The following DNMT3A variants were observed in gnomAD, a reference collection of about 807,000 sequenced individuals.
The protein encoded by DNMT3A is DNA methyltransferase 3 alpha.
DNMT3A carries 267 observed loss-of-function variants against 117.6 expected under a neutral mutation model. The observed-to-expected ratio is 2.27, with a 90% CI of 2.05 to 2.51. The LOEUF (loss-of-function observed/expected upper bound fraction) is 2.51, where lower values mean the gene tolerates loss of function less well. Ranked by LOEUF, DNMT3A falls within the 30% of genes most tolerant of loss-of-function variation. The pLI, the probability that DNMT3A is intolerant of heterozygous loss-of-function variation, is 0.00. For synonymous variants in DNMT3A, 432 were observed against 474.8 expected (o/e 0.91, Z 1.17); for missense variants, 1,029 against 1,260.2 (o/e 0.82, Z 2.78).
intron 2 of DNMT3A, among the ~76,000 whole-genome samples, chr2:25,309,451 C>A (rs977617305): frequency 1.4e-5 from 2 of 146,042 alleles, no homozygotes; most frequent in Admixed American, 1.3e-4. Context: ...AGATGAAGTG[C>A]CCCCAACTTC....
chr2:25,326,924 A>G (rs2034810690), intron 1 of DNMT3A, among the ~76,000 whole-genome samples: 1 of 152,250 alleles, frequency 6.6e-6, no homozygotes, highest in South Asian at 2.1e-4. Flanking sequence ...GCTTCCAGCA[A>G]GATACCTCCC....
chr2:25,329,812 C>T (rs529227555), intron 1 of DNMT3A, among the ~76,000 whole-genome samples: 37 of 152,274 alleles, frequency 2.4e-4, no homozygotes, highest in Non-Finnish European at 4.6e-4. Flanking sequence ...GCACACAGCC[C>T]CCCTCATGCT....
In DNMT3A at chr2:25,246,185, C is replaced by T. The variant is rs1558668999; in HGVS notation, c.1404G>A (p.Lys468=). Reference sequence around the variant, plus strand: ...CTCTTGTGCGCTCATCAATAATCTCCTTGACCTTGGGCTTCTCCGCTGTGC... The same window carrying T: ...CTCTTGTGCGCTCATCAATAATCTCTTTGACCTTGGGCTTCTCCGCTGTGC... The part of the protein sequence containing the change: ...RKSTAEKPKV[K]EIIDERTRER... Residue 468 remains lysine (K), a synonymous_variant, in exon 11 of 23, where the codon AAG becomes AAA. Coordinates refer to ENST00000321117, the MANE Select transcript of DNMT3A (RefSeq NM_022552.5). 1 of 1,614,124 alleles carries T rather than the reference C, an allele frequency of 6.2e-7. No individual in the cohort carries two copies. The highest frequency in any genetic ancestry group is 8.5e-7 in the Non-Finnish European group (1 of 1,179,960).
intron 1 of DNMT3A, chr2:25,328,735 C>T (rs544712755): frequency 6.2e-5 from 31 of 500,456 alleles, no homozygotes; most frequent in Middle Eastern, 7.1e-4. Flanking sequence ...TTCTAGGGGT[C>T]GCTTGGCAGA....
chr2:25,339,722 G>C lies in DNMT3A; in HGVS notation c.-178+2104C>G, dbSNP rs1191756292. On this transcript the variant is annotated intron_variant, in intron 1 of 22. Coordinates refer to ENST00000321117, the MANE Select transcript of DNMT3A (RefSeq NM_022552.5). This position sits in a 1 kb window ranked among gnomAD's most constrained non-coding sequence, Gnocchi z 4.9. ...CTCCCTACAACCCAACTCTCCAAAGGCAGGCAGCTCAGAAAACTACCTGGA... is the reference window on the plus strand; with the variant it reads ...CTCCCTACAACCCAACTCTCCAAAGCCAGGCAGCTCAGAAAACTACCTGGA... Among the ~76,000 whole-genome samples, 1 of 152,198 alleles carries C rather than the reference G, an allele frequency of 6.6e-6. No individual in the cohort carries two copies. The highest frequency in any genetic ancestry group is 1.5e-5 in the Non-Finnish European group (1 of 68,022).
At chr2:25,328,384 G>A (rs2034868394) in intron 1 of DNMT3A, among the ~76,000 whole-genome samples, 1 of 151,772 alleles carries the variant, frequency 6.6e-6, no homozygotes, top group African/African-American at 2.4e-5. Context: ...TGACACCCCT[G>A]GCTCCCACCC....
At chr2:25,319,309 C>G (rs1244252976) in intron 1 of DNMT3A, among the ~76,000 whole-genome samples, 2 of 151,806 alleles carry the variant, frequency 1.3e-5, no homozygotes, top group African/African-American at 2.4e-5. Context: ...CCACCACGCC[C>G]GGGGTCTTTT....
chr2:25,263,471 T>C (rs2149347490), intron 6 of DNMT3A, among the ~76,000 whole-genome samples: 1 of 152,228 alleles, frequency 6.6e-6, no homozygotes, highest in South Asian at 2.1e-4. Flanking sequence ...ACCCCGCCAC[T>C]AGCATAGTAT....
intron 6 of DNMT3A, among the ~76,000 whole-genome samples, chr2:25,251,340 C>A (rs955692681): frequency 1.3e-5 from 2 of 151,610 alleles, no homozygotes; most frequent in Admixed American, 6.6e-5. Context: ...TCGAGGCTCT[C>A]GCATTTGGGC....
Position 25,252,280 on chromosome 2 carries a change from G to T in DNMT3A, c.640-4028C>A. 1 of 1,440,006 alleles carries T rather than the reference G, an allele frequency of 6.9e-7. No homozygotes were observed. The highest frequency in any genetic ancestry group is 9.3e-7 in the Non-Finnish European group (1 of 1,080,422). 89.2% of individuals were successfully genotyped at this position (1,440,006 alleles called of 1,614,324 possible). ...TCTGGAAGTAGCTGCCCGTCTTGGG[G>T]GAGGGGAAGGGGGCGATGGGGCTGG... On this transcript the variant is annotated intron_variant, in intron 6 of 22. Coordinates refer to ENST00000321117, the MANE Select transcript of DNMT3A (RefSeq NM_022552.5). The surrounding 1 kb of genome is among the most constrained non-coding windows in gnomAD (Gnocchi z 5.5).
intron 2 of DNMT3A, among the ~76,000 whole-genome samples, chr2:25,303,743 G>C (rs567807585): frequency 6.6e-6 from 1 of 152,246 alleles, no homozygotes; most frequent in Non-Finnish European, 1.5e-5. Flanking sequence ...ACTCTTCCGC[G>C]ATGGAGTCTT....
chr2:25,265,681 TG>T (rs1462963560), intron 6 of DNMT3A, among the ~76,000 whole-genome samples: 4 of 151,906 alleles, frequency 2.6e-5, no homozygotes, highest in Non-Finnish European at 5.9e-5. Flanking sequence ...TAGCCGGGTG[TG>T]GTGGCAGGTG....
intron 1 of DNMT3A, among the ~76,000 whole-genome samples, chr2:25,320,648 A>G (rs538268217): frequency 2.0e-5 from 3 of 151,102 alleles, no homozygotes; most frequent in South Asian, 2.1e-4. Flanking sequence ...AACTTCAGGG[A>G]AAAAAAAACG....
intron 1 of DNMT3A, among the ~76,000 whole-genome samples, chr2:25,341,125 C>T (rs1034944001): frequency 1.4e-5 from 2 of 145,606 alleles, no homozygotes; most frequent in Admixed American, 1.4e-4. Flanking sequence ...GCGCGGCGCT[C>T]CCCGGCCCGG....
intron 1 of DNMT3A, among the ~76,000 whole-genome samples, chr2:25,316,606 C>T (rs748867593): frequency 6.6e-6 from 1 of 152,228 alleles, no homozygotes; most frequent in Non-Finnish European, 1.5e-5. Flanking sequence ...CCCACCTACC[C>T]GTAGACGCTT....
intron 2 of DNMT3A, among the ~76,000 whole-genome samples, chr2:25,303,260 A>G (rs921561752): frequency 1.3e-5 from 2 of 152,240 alleles, no homozygotes; most frequent in African/African-American, 2.4e-5. Flanking sequence ...ACCACACAGC[A>G]ATGACCTAAA....
chr2:25,247,751 T>C lies in DNMT3A; in HGVS notation c.856-2A>G, dbSNP rs1234716262. 2.5e-6 allele frequency: 4 copies of C among 1,611,434 alleles called. No individual in the cohort carries two copies. Among genetic ancestry groups the C allele is most frequent in the African/African-American group, 1.3e-5 (1 of 74,816 alleles). On this transcript the variant is annotated splice_acceptor_variant, in intron 7 of 22. Coordinates refer to ENST00000321117, the MANE Select transcript of DNMT3A (RefSeq NM_022552.5). LOFTEE classifies it high-confidence loss of function. The surrounding 1 kb of genome is among the most constrained non-coding windows in gnomAD (Gnocchi z 5.6). ...CCCAATGCCAAAGCCCCGGCCGTCC[T>C]GGAGCCCCAAGGAGCAGAAATCATT...
rs1188233261 is a variant in DNMT3A, at chr2:25,281,192, G to A, written c.448+1249C>T. The stretch of plus-strand genomic sequence containing the variant: ...CCGCACCAAGTCCCATTCCAGGACA[G>A]CGGAAAATAGTAGAAAGGCACAAGA... On this transcript the variant is annotated intron_variant, in intron 4 of 22. Coordinates refer to ENST00000321117, the MANE Select transcript of DNMT3A (RefSeq NM_022552.5). This position sits in a 1 kb window ranked among gnomAD's most constrained non-coding sequence, Gnocchi z 4.8. Among the ~76,000 whole-genome samples, 1 of 152,220 alleles carries A rather than the reference G, an allele frequency of 6.6e-6. No homozygotes were observed.
intron 12 of DNMT3A, 150 bp from the exon 13 acceptor site, chr2:25,245,482 C>CA (rs1674646246): frequency 4.6e-6 from 3 of 657,738 alleles, no homozygotes; most frequent in Non-Finnish European, 7.9e-6. Context: ...AAAAGGGAGG[C>CA]ACTGTGACCC....
Sources: gnomAD v4.1 joint callset for allele counts (sites outside exome capture counted in the v4.1 genomes callset) on GRCh38, gnomAD v4.1.1 for gene constraint, Gnocchi (gnomAD v3.1) non-coding constraint, MANE v1.5 for transcripts, NCBI Gene and HGNC (gene_info 2026-07-23, HGNC 2026-07-21) for gene names.